The following COL6A3 variants were observed in gnomAD, a reference collection of about 807,000 sequenced individuals.
COL6A3 encodes collagen type VI alpha 3 chain.
In COL6A3, 137 loss-of-function variants were observed where a neutral mutation model predicts 274.1. The observed-to-expected ratio is 0.50, with a 90% CI of 0.44 to 0.58. The LOEUF (loss-of-function observed/expected upper bound fraction) is 0.58. Ranked by LOEUF, COL6A3 falls within the 20% of genes least tolerant of loss-of-function variation. The pLI is 0.00. For missense variants in COL6A3, 3,950 were observed against 4,124.9 expected (o/e 0.96, Z 1.16); for synonymous variants, 1,650 against 1,650.6 (o/e 1.00, Z 0.01).
In COL6A3 at chr2:237,374,771, T is replaced by C; in HGVS notation, c.3320A>G (p.Asn1107Ser). ...QLTLLGGPTP[N>S]TGAALEFVLR... Reference sequence around the variant, plus strand: ...GACAAACTCCAGGGCGGCCCCGGTGTTGGGGGTCGGCCCTCCCAGCAGGGT... The same window carrying C: ...GACAAACTCCAGGGCGGCCCCGGTGCTGGGGGTCGGCCCTCCCAGCAGGGT... Residue 1107 changes from asparagine (N) to serine (S), a missense_variant, in exon 8 of 44, where the codon AAC becomes AGC. Asn to Ser is a conservative substitution (Grantham distance 46, BLOSUM62 1). Coordinates refer to ENST00000295550, the MANE Select transcript of COL6A3 (RefSeq NM_004369.4). This position sits in a 1 kb window ranked among gnomAD's most constrained non-coding sequence, Gnocchi z 4.8. 2 of 1,613,940 alleles carry C rather than the reference T, an allele frequency of 1.2e-6. No individual in the cohort carries two copies. The highest frequency in any genetic ancestry group is 1.7e-6 in the Non-Finnish European group (2 of 1,179,950).
Position 237,348,696 on chromosome 2 carries a change from G to A in COL6A3, c.6880-33C>T, listed in dbSNP as rs1021513919. The stretch of plus-strand genomic sequence containing the variant: ...TGGGAAAGAGATGTGACTGTAGGTC[G>A]CCATGCCTGGCACACCATAACCACC... On this transcript the variant is annotated intron_variant, in intron 28 of 43. Transcript: ENST00000295550. The A allele has an allele frequency of 1.1e-5, 18 of 1,601,052 alleles. No homozygotes were observed. In the African/African-American group the frequency reaches 1.3e-4, roughly 12 times the overall value.
intron 24 of COL6A3, among the ~76,000 whole-genome samples, chr2:237,353,729 C>T (rs764734369): frequency 8.5e-5 from 13 of 152,140 alleles, no homozygotes; most frequent in South Asian, 2.1e-4. Flanking sequence ...TAGGTGAGCA[C>T]GTTCTGGAAG....
At chr2:237,384,421 C>T (rs2078091701) in intron 4 of COL6A3, among the ~76,000 whole-genome samples, 1 of 152,114 alleles carries the variant, frequency 6.6e-6, no homozygotes, top group African/African-American at 2.4e-5. Flanking sequence ...GCCCTCCTCC[C>T]ACGCCTCTCT....
At chr2:237,409,153 G>A (rs751580366) in intron 1 of COL6A3, among the ~76,000 whole-genome samples, 15 of 152,258 alleles carry the variant, frequency 9.9e-5, no homozygotes, top group East Asian at 1.9e-4. Flanking sequence ...CATAAAGGGC[G>A]TGGAGAAACC....
chr2:237,405,519 G>C (rs2074209953), intron 1 of COL6A3, among the ~76,000 whole-genome samples: 1 of 152,102 alleles, frequency 6.6e-6, no homozygotes, highest in Non-Finnish European at 1.5e-5. Flanking sequence ...CCGGAGGAAG[G>C]AGAGAGGAGA....
intron 18 of COL6A3, 23 bp downstream of exon 18, chr2:237,359,339 A>G: frequency 6.2e-7 from 1 of 1,614,168 alleles, no homozygotes; most frequent in Non-Finnish European, 8.5e-7. Context: ...TTCCATTTGT[A>G]AAACAAAACC....
chr2:237,376,675 G>A (rs2077848931), intron 7 of COL6A3, 97 bp downstream of exon 7: 1 of 1,215,906 alleles, frequency 8.2e-7, no homozygotes, highest in African/African-American at 1.5e-5. Context: ...GTAAACTCAA[G>A]GAGGGCTTCT....
At chr2:237,381,602 C>T in intron 4 of COL6A3, 103 bp from the exon 5 acceptor site, 3 of 994,962 alleles carry the variant, frequency 3.0e-6, no homozygotes, top group Non-Finnish European at 4.6e-6. Flanking sequence ...CCCTCATTTA[C>T]TGTGGCCAAC....
At chr2:237,384,834 T>C (rs2078104885) in intron 4 of COL6A3, among the ~76,000 whole-genome samples, 1 of 152,122 alleles carries the variant, frequency 6.6e-6, no homozygotes, top group Non-Finnish European at 1.5e-5. Context: ...CCACTCCCTG[T>C]GGCTTCTCAT....
intron 4 of COL6A3, among the ~76,000 whole-genome samples, chr2:237,384,945 C>G (rs140734589): frequency 6.6e-6 from 1 of 152,144 alleles, no homozygotes; most frequent in Non-Finnish European, 1.5e-5. Flanking sequence ...TCTGACAGTT[C>G]TGGGAAGGGA....
chr2:237,364,022 T>G lies in COL6A3; in HGVS notation c.5917+328A>C, dbSNP rs193202155. Among the ~76,000 whole-genome samples the G allele has an allele frequency of 1.5e-4, 23 of 152,370 alleles. No homozygotes were observed. The highest frequency in any genetic ancestry group is 1.4e-3 in the Admixed American group (21 of 15,310). On this transcript the variant is annotated intron_variant, in intron 13 of 43. Coordinates refer to ENST00000295550, the MANE Select transcript of COL6A3 (RefSeq NM_004369.4). This position sits in a 1 kb window ranked among gnomAD's most constrained non-coding sequence, Gnocchi z 4.6. ...CAAAAATAGAGCAATGTATTTTTAT[T>G]AGTAACTAATTCCTAGTTTATGTGA...
At chr2:237,396,886 TG>T (rs1268425576) in intron 1 of COL6A3, 39 bp from the exon 2 acceptor site, 1 of 1,427,000 alleles carries the variant, frequency 7.0e-7, no homozygotes, top group Non-Finnish European at 9.9e-7. Context: ...GATCAGTTTT[TG>T]ACTCTCATTA....
rs920741199 is a variant in COL6A3 at position 237,404,783 on chromosome 2, A to G, written c.-30-7936T>C. ...CACTCTGGAGCAATTCCAAAATTAC[A>G]TTTCTCATCTTCCAGAGTGCTCAAT... On this transcript the variant is annotated intron_variant, in intron 1 of 43. Coordinates refer to ENST00000295550, the MANE Select transcript of COL6A3 (RefSeq NM_004369.4). Among the ~76,000 whole-genome samples, 5 of 152,192 alleles carry G rather than the reference A, an allele frequency of 3.3e-5. No homozygotes were observed. The South Asian group carries it at 6.2e-4, about 19-fold the overall frequency.
At chr2:237,347,236 C>T (rs995502767) in intron 31 of COL6A3, among the ~76,000 whole-genome samples, 1 of 151,644 alleles carries the variant, frequency 6.6e-6, no homozygotes, top group Admixed American at 6.6e-5. Context: ...GATGGCACCA[C>T]TGCACTCCGC....
At position 237,335,210 on chromosome 2, in the gene COL6A3, C is replaced by G. The variant is rs55820303; in HGVS notation, c.8966-321G>C. Among the ~76,000 whole-genome samples the G allele has an allele frequency of 0.069, 10,431 of 152,144 alleles. 469 individuals are homozygous for G. The highest frequency in any genetic ancestry group is 0.1 in the Non-Finnish European group (6,949 of 67,972). ...TAAGTTGTGTTTGCTACAAAATGAG[C>G]CCCATAATTTAAAATATATTAAGTC... On this transcript the variant is annotated intron_variant, in intron 40 of 43. Transcript: ENST00000295550.
intron 9 of COL6A3, among the ~76,000 whole-genome samples, chr2:237,369,966 A>G (rs971198729): frequency 2.0e-5 from 3 of 150,890 alleles, no homozygotes; most frequent in African/African-American, 7.3e-5. Context: ...TCCTCCAAGT[A>G]GCTGGAACTA....
Position 237,413,139 on chromosome 2 carries a change from G to A in COL6A3, c.-31+814C>T, listed in dbSNP as rs939354823. 5.3e-5 allele frequency among the ~76,000 whole-genome samples: 8 copies of A among 152,178 alleles called. No homozygotes were observed. The highest frequency in any genetic ancestry group is 2.1e-4 in the South Asian group (1 of 4,828). ...GCCCGAGCCCCACCCTGCATCCTCC[G>A]GGCCAGAGAACAGCCCTCGGGGCCT... is the stretch of plus-strand genomic sequence containing the variant. On this transcript the variant is annotated intron_variant, in intron 1 of 43. Transcript: ENST00000295550. This position sits in a 1 kb window ranked among gnomAD's most constrained non-coding sequence, Gnocchi z 4.0.
chr2:237,360,859 G>A (rs1327034460), intron 16 of COL6A3, among the ~76,000 whole-genome samples: 1 of 152,080 alleles, frequency 6.6e-6, no homozygotes, highest in Non-Finnish European at 1.5e-5. Flanking sequence ...CAAATTCGGT[G>A]TCCCTCTGGC....
rs2077683396 is a variant in COL6A3 at position 237,371,414 on chromosome 2, T to C, written c.4285+318A>G. On this transcript the variant is annotated intron_variant, in intron 9 of 43. Coordinates refer to ENST00000295550, the MANE Select transcript of COL6A3 (RefSeq NM_004369.4). This position sits in a 1 kb window ranked among gnomAD's most constrained non-coding sequence, Gnocchi z 4.3. ...GGGCTTGAGACCAGCCTGGCCAACA[T>C]GGTGAAACCCCGTCTCCACAAAAAA... is the stretch of plus-strand genomic sequence containing the variant. 5.3e-5 allele frequency among the ~76,000 whole-genome samples: 8 copies of C among 151,976 alleles called. No individual in the cohort carries two copies. Among genetic ancestry groups the C allele is most frequent in the Admixed American group, 5.2e-4 (8 of 15,260 alleles).
Sources: gnomAD v4.1 joint callset for allele counts (sites outside exome capture counted in the v4.1 genomes callset) on GRCh38, gnomAD v4.1.1 for gene constraint, Gnocchi (gnomAD v3.1) non-coding constraint, MANE v1.5 for transcripts, NCBI Gene and HGNC (gene_info 2026-07-23, HGNC 2026-07-21) for gene names.